ZNF521: variants seen among roughly 807,000 people sequenced by gnomAD.
ZNF521 encodes LYST-interacting protein 3.
In ZNF521, 14 loss-of-function variants were observed where a neutral mutation model predicts 105.5. The observed-to-expected ratio is 0.13, with a 90% CI of 0.09 to 0.21. ZNF521 has a LOEUF of 0.21. ZNF521 is among the 10% of genes least tolerant of loss of function. The pLI is 1.00. For missense variants in ZNF521, 1,233 were observed against 1,629.7 expected (o/e 0.76, Z 4.19); for synonymous variants, 635 against 606.0 (o/e 1.05, Z -0.70).
intron 5 of ZNF521, among the ~76,000 whole-genome samples, chr18:25,127,172 G>A (rs2034553960): frequency 6.6e-6 from 1 of 151,970 alleles, no homozygotes; most frequent in African/African-American, 2.4e-5. Flanking sequence ...TTGAAAAGGA[G>A]ATTTTTGTGT....
At chr18:25,273,583 A>G (rs1909827512) in intron 3 of ZNF521, 1 of 152,232 alleles carries the variant, frequency 6.6e-6, no homozygotes, top group East Asian at 1.9e-4. Flanking sequence ...TTTCTGGTCC[A>G]TAGCTTTCCC....
chr18:25,336,293 G>A (rs149733407), intron 2 of ZNF521, among the ~76,000 whole-genome samples: 132 of 152,040 alleles, frequency 8.7e-4, no homozygotes, highest in African/African-American at 3.0e-3. Flanking sequence ...TCATCCCCTC[G>A]TTCCACTAAT....
chr18:25,166,183 A>G (rs940231930), intron 5 of ZNF521, among the ~76,000 whole-genome samples: 1 of 152,178 alleles, frequency 6.6e-6, no homozygotes, highest in Non-Finnish European at 1.5e-5. Context: ...CATCACATTC[A>G]AGTTTTTCTA....
intron 3 of ZNF521, among the ~76,000 whole-genome samples, chr18:25,237,859 T>G (rs1452459738): frequency 1.3e-5 from 2 of 152,180 alleles, no homozygotes; most frequent in African/African-American, 4.8e-5. Context: ...AATGAGTGAA[T>G]GTGATTGAAG....
intron 5 of ZNF521, among the ~76,000 whole-genome samples, chr18:25,192,359 A>T (rs747703162): frequency 6.6e-6 from 1 of 152,124 alleles, no homozygotes; most frequent in Non-Finnish European, 1.5e-5. Context: ...CCCTTTCACA[A>T]ATGTCCCTGG....
At chr18:25,199,460 C>T (rs191663716) in intron 4 of ZNF521, among the ~76,000 whole-genome samples, 40 of 151,858 alleles carry the variant, frequency 2.6e-4, no homozygotes, top group African/African-American at 8.0e-4. Context: ...TAGATGCTAT[C>T]GGGATGTTAT....
chr18:25,230,038 A>T (rs917437330), intron 3 of ZNF521, among the ~76,000 whole-genome samples: 2 of 152,208 alleles, frequency 1.3e-5, no homozygotes, highest in African/African-American at 4.8e-5. Flanking sequence ...TATCTATTAT[A>T]TAACTGTTCT....
chr18:25,196,238 A>G (rs945815254), intron 4 of ZNF521, among the ~76,000 whole-genome samples: 1 of 151,766 alleles, frequency 6.6e-6, no homozygotes, highest in Non-Finnish European at 1.5e-5. Flanking sequence ...TTTCCCAAAC[A>G]TGAGAAAATT....
chr18:25,125,355 T>C (rs538958100), intron 5 of ZNF521, among the ~76,000 whole-genome samples: 17 of 152,222 alleles, frequency 1.1e-4, no homozygotes, highest in Non-Finnish European at 2.1e-4. Context: ...TATAGAACTG[T>C]TTGATTAACA....
intron 4 of ZNF521, among the ~76,000 whole-genome samples, chr18:25,199,023 G>A (rs1381582931): frequency 6.6e-6 from 1 of 151,854 alleles, no homozygotes; most frequent in Non-Finnish European, 1.5e-5. Context: ...ACCTCTTAAT[G>A]AGTTGCAATA....
At chr18:25,081,366 A>G (rs2033491948) in intron 7 of ZNF521, among the ~76,000 whole-genome samples, 1 of 152,240 alleles carries the variant, frequency 6.6e-6, no homozygotes, top group Non-Finnish European at 1.5e-5. Context: ...CCAGCCATCA[A>G]TATGAACATC....
intron 5 of ZNF521, among the ~76,000 whole-genome samples, chr18:25,142,754 TG>T (rs746959495): frequency 1.3e-5 from 1 of 79,926 alleles, no homozygotes; most frequent in Non-Finnish European, 2.5e-5. Flanking sequence ...CATTCCCTTT[TG>T]TAAGTTATTT....
chr18:25,286,464 A>G (rs1910712176), intron 3 of ZNF521, among the ~76,000 whole-genome samples: 1 of 152,190 alleles, frequency 6.6e-6, no homozygotes, highest in East Asian at 1.9e-4. Flanking sequence ...AGCCCTACCT[A>G]CCACCATACA....
chr18:25,238,200 T>C (rs1053322767), intron 3 of ZNF521, among the ~76,000 whole-genome samples: 9 of 152,224 alleles, frequency 5.9e-5, no homozygotes, highest in Non-Finnish European at 1.0e-4. Context: ...GCTGAGTTTT[T>C]ATGGGTAAAT....
chr18:25,226,817 G>A lies in ZNF521; in HGVS notation c.1101C>T (p.Ser367=), dbSNP rs542057386. Residue 367 remains serine, a synonymous_variant, in exon 4 of 8, where the codon AGC becomes AGT. Transcript: ENST00000361524. This position sits in a 1 kb window ranked among gnomAD's most constrained non-coding sequence, Gnocchi z 4.1. ...GCGGGGCAGCTTCCACCATGGTTGA[G>A]CTGTCCACTGAGAGGTTGGAATCTG... ...TTPDSNLSVD[S]STMVEAAPPI... The A allele has an allele frequency of 1.2e-6, 2 of 1,614,052 alleles. No individual in the cohort carries two copies. Among genetic ancestry groups the A allele is most frequent in the South Asian group, 2.2e-5 (2 of 91,064 alleles).
intron 5 of ZNF521, among the ~76,000 whole-genome samples, chr18:25,120,591 A>C (rs77506252): frequency 7.4e-6 from 1 of 135,078 alleles, no homozygotes; most frequent in Non-Finnish European, 1.7e-5. Flanking sequence ...CTAAAAAAAA[A>C]AAAAAAAAAA....
intron 3 of ZNF521, among the ~76,000 whole-genome samples, chr18:25,238,290 T>G (rs543662402): frequency 4.5e-4 from 68 of 152,354 alleles, no homozygotes; most frequent in Non-Finnish European, 8.2e-4. Context: ...AACCAATTCA[T>G]GCTAACTGAT....
At chr18:25,327,159 A>G (rs1913266638) in intron 2 of ZNF521, among the ~76,000 whole-genome samples, 1 of 152,210 alleles carries the variant, frequency 6.6e-6, no homozygotes, top group Non-Finnish European at 1.5e-5. Flanking sequence ...GGTTTTTGAG[A>G]CTTTAGAAAG....
chr18:25,118,568 T>C (rs1468386648), intron 5 of ZNF521, among the ~76,000 whole-genome samples: 1 of 151,940 alleles, frequency 6.6e-6, no homozygotes, highest in African/African-American at 2.4e-5. Flanking sequence ...AGATATTAAC[T>C]CTAAGGAGAC....
Sources: gnomAD v4.1 joint callset for allele counts (sites outside exome capture counted in the v4.1 genomes callset) on GRCh38, gnomAD v4.1.1 for gene constraint, Gnocchi (gnomAD v3.1) non-coding constraint, MANE v1.5 for transcripts, NCBI Gene and HGNC (gene_info 2026-07-23, HGNC 2026-07-21) for gene names.